ARHGEF18: variants seen among roughly 807,000 people sequenced by gnomAD.
The protein encoded by ARHGEF18 is Rho/Rac guanine nucleotide exchange factor 18.
In ARHGEF18, 93 loss-of-function variants were observed where a neutral mutation model predicts 155.7. The ratio of observed to expected loss-of-function variants is 0.60; its 90% CI spans 0.50 to 0.71. ARHGEF18 has a LOEUF of 0.71. Ranked by LOEUF, ARHGEF18 falls within the 30% of genes least tolerant of loss-of-function variation. The pLI is 0.00. For synonymous variants in ARHGEF18, 742 were observed against 753.1 expected, an observed-to-expected ratio of 0.99 and a Z score of 0.24; for missense variants, 1,593 against 1,816.1, an observed-to-expected ratio of 0.88 and a Z score of 2.23.
At chr19:7,429,952 G>A (rs1973864867) in intron 10 of ARHGEF18, among the ~76,000 whole-genome samples, 1 of 150,726 alleles carries the variant, frequency 6.6e-6, no homozygotes, top group Non-Finnish European at 1.5e-5. Flanking sequence ...AAATCGACTT[G>A]TGCCTCAATA....
At chr19:7,413,094 A>G (rs915886349) in intron 10 of ARHGEF18, among the ~76,000 whole-genome samples, 7 of 152,016 alleles carry the variant, frequency 4.6e-5, no homozygotes, top group East Asian at 3.9e-4. Flanking sequence ...ACCACGTCCC[A>G]CACCATATTT....
At position 7,467,272 on chromosome 19, in the gene ARHGEF18, G is replaced by T. The variant is rs748464108; in HGVS notation, c.3068G>T (p.Arg1023Leu). The T allele has an allele frequency of 3.2e-6, 5 of 1,557,464 alleles. No individual in the cohort carries two copies. The highest frequency in any genetic ancestry group is 2.7e-5 in the African/African-American group (2 of 73,476). The change falls in exon 26 of 29, where the codon CGG becomes CTG. Residue 1023 changes from arginine (R) to leucine (L), a missense_variant. Coordinates refer to ENST00000668164, the MANE Select transcript of ARHGEF18 (RefSeq NM_001367823.1). ...ACGCAGCGGGCTGCCATCCAGGAGCGGGAGAAGCAGTTCCGGCTGCAGTCG... is the reference window on the plus strand; with the variant it reads ...ACGCAGCGGGCTGCCATCCAGGAGCTGGAGAAGCAGTTCCGGCTGCAGTCG... ...VETQRAAIQE[R>L]EKQFRLQSTR...
At chr19:7,349,835 G>A (rs1969114501) in intron 1 of ARHGEF18, among the ~76,000 whole-genome samples, 1 of 152,084 alleles carries the variant, frequency 6.6e-6, no homozygotes, top group African/African-American at 2.4e-5. Context: ...AATGAATGGG[G>A]GAGCTGGGGC....
intron 15 of ARHGEF18, among the ~76,000 whole-genome samples, chr19:7,450,623 C>CCCGAG (rs1568347694): frequency 0.01 from 1 of 100 alleles, no homozygotes. Context: ...TCTTGCTTTC[C>CCCGAG]ATTTCCATTT....
chr19:7,390,226 G>A (rs1417833064), intron 10 of ARHGEF18, among the ~76,000 whole-genome samples: 1 of 152,082 alleles, frequency 6.6e-6, no homozygotes, highest in Non-Finnish European at 1.5e-5. Context: ...GTGGGTAAAG[G>A]CTGGGCGTGG....
Position 7,463,776 on chromosome 19 carries a change from TC to T in ARHGEF18, c.2636-40del, listed in dbSNP as rs1976438368. On this transcript the variant is annotated intron_variant, in intron 21 of 28. Coordinates refer to ENST00000668164, the MANE Select transcript of ARHGEF18 (RefSeq NM_001367823.1). This position sits in a 1 kb window ranked among gnomAD's most constrained non-coding sequence, Gnocchi z 5.2. ...GCGCTCCGTATTCCCCCAGCACACT[TC>T]CGCAGGGCGACCCGTGCCTCCTGTC... The T allele has an allele frequency of 6.4e-7, 1 of 1,562,674 alleles. No homozygotes were observed. Among genetic ancestry groups the T allele is most frequent in the South Asian group, 1.2e-5 (1 of 85,242 alleles).
chr19:7,377,757 C>T (rs1215036310), intron 5 of ARHGEF18, among the ~76,000 whole-genome samples: 5 of 149,178 alleles, frequency 3.4e-5, no homozygotes, highest in East Asian at 2.0e-4. Context: ...GACTGCGCTC[C>T]GCTCTGGGTG....
At chr19:7,396,100 T>A (rs1473340890) in intron 10 of ARHGEF18, among the ~76,000 whole-genome samples, 1 of 152,152 alleles carries the variant, frequency 6.6e-6, no homozygotes, top group Admixed American at 6.6e-5. Context: ...CAGTATTTGG[T>A]TTTCTTTTCC....
intron 10 of ARHGEF18, among the ~76,000 whole-genome samples, chr19:7,420,937 T>C (rs1973318233): frequency 6.6e-6 from 1 of 152,140 alleles, no homozygotes; most frequent in South Asian, 2.1e-4. Context: ...TTTTTGTTTT[T>C]TTGTTTTTGT....
intron 10 of ARHGEF18, among the ~76,000 whole-genome samples, chr19:7,407,211 G>A (rs917152563): frequency 9.2e-5 from 14 of 151,506 alleles, no homozygotes; most frequent in African/African-American, 2.2e-4. Context: ...GATCACCTGA[G>A]GTCAGGAGTT....
In ARHGEF18 at chr19:7,362,060, A is replaced by G. The variant is rs1258624427; in HGVS notation, c.-110-721A>G. Among the ~76,000 whole-genome samples the G allele has an allele frequency of 1.3e-3, 42 of 33,242 alleles. 1 individual carries two copies. Among genetic ancestry groups the G allele is most frequent in the African/African-American group, 4.0e-3 (17 of 4,242 alleles). The allele number at this position is 33,242 out of a possible 152,430, so 21.8% of individuals were successfully genotyped here. A position where few individuals can be genotyped will look rare whatever the true frequency, so the allele number is the denominator to read the frequency against. On this transcript the variant is annotated intron_variant, in intron 1 of 28. Transcript: ENST00000668164. Reference sequence around the variant, plus strand: ...GAGAAGGAGAAGGAGAAGGAGAAGGAGAAGGAGAAGGAGAAGGAGAAGGAG... The same window carrying G: ...GAGAAGGAGAAGGAGAAGGAGAAGGGGAAGGAGAAGGAGAAGGAGAAGGAG...
At chr19:7,434,814 A>C (rs886605975) in intron 10 of ARHGEF18, among the ~76,000 whole-genome samples, 5 of 152,240 alleles carry the variant, frequency 3.3e-5, no homozygotes, top group Non-Finnish European at 5.9e-5. Flanking sequence ...ATTGAGACGT[A>C]ATTCACAGAC....
Position 7,367,898 on chromosome 19 carries a change from T to A in ARHGEF18, c.16-4914T>A, listed in dbSNP as rs11671629. Among the ~76,000 whole-genome samples the A allele has an allele frequency of 3.8e-3, 227 of 59,508 alleles. 57 individuals are homozygous for A. Among genetic ancestry groups the A allele is most frequent in the Admixed American group, 5.2e-3 (27 of 5,152 alleles). 39.0% of individuals were successfully genotyped at this position (59,508 alleles called of 152,430 possible). On this transcript the variant is annotated intron_variant, in intron 2 of 28. Transcript: ENST00000668164. ...TATATATATATTTTATATATATTTTTTATATATATATATTTTATATATATA... is the reference window on the plus strand; with the variant it reads ...TATATATATATTTTATATATATTTTATATATATATATATTTTATATATATA...
At chr19:7,435,974 C>T (rs1343112879) in intron 10 of ARHGEF18, among the ~76,000 whole-genome samples, 2 of 152,126 alleles carry the variant, frequency 1.3e-5, no homozygotes, top group African/African-American at 4.8e-5. Flanking sequence ...GCTGGAACTA[C>T]TGGCACACAC....
chr19:7,473,000 G>A (rs539508781), downstream of ARHGEF18: 39 of 456,114 alleles, frequency 8.6e-5, no homozygotes, highest in African/African-American at 3.6e-4. Context: ...GGAGTGGGGC[G>A]TGGAGGTGCC....
rs1452378234 is a variant in ARHGEF18, at chr19:7,395,410, G to A, written c.967+12207G>A. On this transcript the variant is annotated intron_variant, in intron 10 of 28. Coordinates refer to ENST00000668164, the MANE Select transcript of ARHGEF18 (RefSeq NM_001367823.1). The surrounding 1 kb of genome is among the most constrained non-coding windows in gnomAD (Gnocchi z 5.0). ...GCAGGCGAACGGGTGCTGGGGTGCA[G>A]GCTGCTCCTTCAATGCATGGAGGCT... 6.6e-6 allele frequency among the ~76,000 whole-genome samples: 1 copy of A among 152,014 alleles called. No individual in the cohort carries two copies. The highest frequency in any genetic ancestry group is 1.5e-5 in the Non-Finnish European group (1 of 67,976).
rs1976398691 is a variant in ARHGEF18 at position 7,463,209 on chromosome 19, C to G, written c.2636-609C>G. ...AGAGCCTTTCCGCAGAATAAGACGG[C>G]AGAGACGGGGGTCAGTCTTTCTCCC... On this transcript the variant is annotated intron_variant, in intron 21 of 28. Transcript: ENST00000668164. The surrounding 1 kb of genome is among the most constrained non-coding windows in gnomAD (Gnocchi z 5.2). Among the ~76,000 whole-genome samples the G allele has an allele frequency of 6.6e-6, 1 of 152,186 alleles. No individual in the cohort carries two copies. The highest frequency in any genetic ancestry group is 6.5e-5 in the Admixed American group (1 of 15,276).
At chr19:7,419,089 T>C (rs149565227) in intron 10 of ARHGEF18, among the ~76,000 whole-genome samples, 7,346 of 89,074 alleles carry the variant, frequency 0.082, 820 homozygotes, top group African/African-American at 0.28. Context: ...CTCTGTACCC[T>C]GATGTACCCA....
intron 3 of ARHGEF18, among the ~76,000 whole-genome samples, chr19:7,374,864 A>G (rs1379066320): frequency 1.3e-5 from 2 of 152,132 alleles, no homozygotes; most frequent in African/African-American, 4.8e-5. Flanking sequence ...TTATGATCAG[A>G]ACGGAAATGT....
Sources: allele counts gnomAD v4.1 joint callset (sites outside exome capture counted in the v4.1 genomes callset), GRCh38; gene constraint gnomAD v4.1.1; non-coding constraint Gnocchi (gnomAD v3.1); transcripts MANE v1.5; gene names NCBI Gene and HGNC (gene_info 2026-07-23, HGNC 2026-07-21).